ITCH: variants seen among roughly 807,000 people sequenced by gnomAD.
The protein encoded by ITCH is itchy E3 ubiquitin protein ligase.
Under a neutral mutation model 126.8 loss-of-function variants are expected in ITCH, and 28 were observed. The ratio of observed to expected loss-of-function variants is 0.22; its 90% CI spans 0.16 to 0.30. ITCH has a LOEUF of 0.30. Among genes scored for constraint, ITCH ranks in the 10% least tolerant of loss-of-function variants. The pLI, the probability that ITCH is intolerant of heterozygous loss-of-function variation, is 1.00. For missense variants in ITCH, 631 were observed against 1,032.4 expected (o/e 0.61, Z 5.33); for synonymous variants, 342 against 340.0 (o/e 1.01, Z -0.06).
chr20:34,462,414 T>G lies in ITCH; in HGVS notation c.1424+193T>G, dbSNP rs149220422. Among the ~76,000 whole-genome samples the G allele has an allele frequency of 2.5e-4, 38 of 152,216 alleles. No individual in the cohort carries two copies. The East Asian group carries it at 6.5e-3, about 26-fold the overall frequency. On this transcript the variant is annotated intron_variant, in intron 14 of 24. Coordinates refer to ENST00000374864, the MANE Select transcript of ITCH (RefSeq NM_031483.7). ...TTATCCTAGAGATTTTCATATTTGT[T>G]ACCATTTGTTCACACAGCACTAAAT...
At chr20:34,481,325 T>C in intron 20 of ITCH, 119 bp downstream of exon 20, 1 of 1,097,664 alleles carries the variant, frequency 9.1e-7, no homozygotes, top group East Asian at 2.4e-5. Flanking sequence ...CTAATCAATA[T>C]CCTATGTAGG....
intron 3 of ITCH, 114 bp from the exon 4 acceptor site, chr20:34,408,537 C>A: frequency 1.0e-6 from 1 of 974,994 alleles, no homozygotes; most frequent in Non-Finnish European, 1.6e-6. Flanking sequence ...TATTTTAGAG[C>A]AAAACTGCTT....
At chr20:34,477,886 C>T in intron 17 of ITCH, 26 bp downstream of exon 17, 2 of 1,612,738 alleles carry the variant, frequency 1.2e-6, no homozygotes, top group Admixed American at 3.3e-5. Flanking sequence ...ATACTCAGAA[C>T]TTAGTTCCTT....
At chr20:34,381,181 G>A (rs1012821643) in intron 2 of ITCH, among the ~76,000 whole-genome samples, 5 of 152,182 alleles carry the variant, frequency 3.3e-5, no homozygotes, top group Admixed American at 2.0e-4. Flanking sequence ...CGAGAGGATC[G>A]CTTGAGCCCA....
intron 14 of ITCH, among the ~76,000 whole-genome samples, chr20:34,468,034 CTTT>C (rs35748150): frequency 5.8e-5 from 7 of 121,514 alleles, no homozygotes; most frequent in Admixed American, 8.4e-5. Context: ...ACCTTGGAAA[CTTT>C]TTTTTTTTTT....
At chr20:34,407,303 G>T (rs2039093883) in intron 3 of ITCH, among the ~76,000 whole-genome samples, 1 of 152,012 alleles carries the variant, frequency 6.6e-6, no homozygotes, top group African/African-American at 2.4e-5. Context: ...GGCTCACTCT[G>T]TCGCCCAGGC....
At chr20:34,471,540 T>G (rs1364657086) in intron 16 of ITCH, 25 bp downstream of exon 16, 1 of 1,438,044 alleles carries the variant, frequency 7.0e-7, no homozygotes, top group Non-Finnish European at 9.8e-7. Flanking sequence ...TCTCAATAAT[T>G]TCCCCCCTGG....
At chr20:34,406,652 A>G (rs1333159384) in intron 3 of ITCH, among the ~76,000 whole-genome samples, 1 of 150,940 alleles carries the variant, frequency 6.6e-6, no homozygotes, top group African/African-American at 2.4e-5. Flanking sequence ...CTCCTGCCTC[A>G]GCCTCCCGAG....
intron 6 of ITCH, among the ~76,000 whole-genome samples, chr20:34,422,795 C>G (rs1980951466): frequency 6.6e-6 from 1 of 151,798 alleles, no homozygotes; most frequent in Non-Finnish European, 1.5e-5. Context: ...CACCACTAAT[C>G]TGTATTTTTT....
intron 2 of ITCH, 97 bp from the exon 3 acceptor site, chr20:34,393,694 A>G (rs1252394525): frequency 2.5e-6 from 2 of 809,726 alleles, no homozygotes; most frequent in African/African-American, 1.7e-5. Flanking sequence ...GGCCTTTGTT[A>G]CATGGTCTTC....
At chr20:34,481,359 GTTT>G (rs35351679) in intron 20 of ITCH, among the ~76,000 whole-genome samples, 153 bp downstream of exon 20, 3 of 151,298 alleles carry the variant, frequency 2.0e-5, no homozygotes, top group Non-Finnish European at 3.0e-5. Context: ...TTTCTAAAAA[GTTT>G]TTTTTTAAGT....
At position 34,391,971 on chromosome 20, in the gene ITCH, G is replaced by T. The variant is rs1601789501; in HGVS notation, c.-21-1820G>T. ...CTTGCAATAAATTATTAGTGGAGATGAGCGACTGTTGATGGAGATGAGTAC... is the reference window on the plus strand; with the variant it reads ...CTTGCAATAAATTATTAGTGGAGATTAGCGACTGTTGATGGAGATGAGTAC... On this transcript the variant is annotated intron_variant, in intron 2 of 24. Transcript: ENST00000374864. Among the ~76,000 whole-genome samples the T allele has an allele frequency of 2.0e-5, 3 of 152,294 alleles. No individual in the cohort carries two copies. In the East Asian group the frequency reaches 5.8e-4, roughly 29 times the overall value.
intron 7 of ITCH, among the ~76,000 whole-genome samples, chr20:34,432,944 G>C (rs935994294): frequency 4.6e-5 from 7 of 151,624 alleles, no homozygotes; most frequent in Admixed American, 4.6e-4. Flanking sequence ...GTGACAGAGC[G>C]AGAATCTGTC....
chr20:34,407,097 A>G (rs1165153929), intron 3 of ITCH, among the ~76,000 whole-genome samples: 1 of 152,064 alleles, frequency 6.6e-6, no homozygotes, highest in Non-Finnish European at 1.5e-5. Context: ...GGACAAAGCT[A>G]TTTTATGGCA....
intron 7 of ITCH, among the ~76,000 whole-genome samples, chr20:34,434,440 A>G (rs1368654945): frequency 2.0e-5 from 3 of 152,260 alleles, no homozygotes; most frequent in African/African-American, 2.4e-5. Flanking sequence ...GTGCTTGATT[A>G]TATTTGTAGA....
chr20:34,478,994 C>A (rs1988484952), intron 17 of ITCH, among the ~76,000 whole-genome samples: 1 of 152,120 alleles, frequency 6.6e-6, no homozygotes, highest in Admixed American at 6.5e-5. Flanking sequence ...CCCAGATCAC[C>A]CATGTTACGT....
chr20:34,506,173 C>T (rs1990609306), intron 24 of ITCH, among the ~76,000 whole-genome samples: 1 of 152,148 alleles, frequency 6.6e-6, no homozygotes. Context: ...AAACTGTCCT[C>T]CTACCTTAGC....
At chr20:34,449,076 A>G (rs1984830598) in intron 11 of ITCH, among the ~76,000 whole-genome samples, 2 of 151,954 alleles carry the variant, frequency 1.3e-5, no homozygotes, top group South Asian at 2.1e-4. Context: ...GGTATTGTAA[A>G]TGACTTTTGG....
intron 2 of ITCH, among the ~76,000 whole-genome samples, chr20:34,386,107 G>GT (rs879650953): frequency 7.0e-6 from 1 of 143,186 alleles, no homozygotes; most frequent in East Asian, 2.1e-4. Flanking sequence ...TTTTTTTTTT[G>GT]TTTTGTTTTG....
Sources: allele counts gnomAD v4.1 joint callset (sites outside exome capture counted in the v4.1 genomes callset), GRCh38; gene constraint gnomAD v4.1.1; transcripts MANE v1.5; gene names NCBI Gene and HGNC (gene_info 2026-07-23, HGNC 2026-07-21).